The following PLSCR5 variants were observed in gnomAD, a reference collection of about 807,000 sequenced individuals.
PLSCR5 encodes the protein phospholipid scramblase family, member 5.
Under a neutral mutation model 33.6 loss-of-function variants are expected in PLSCR5, and 44 were observed. The observed-to-expected ratio is 1.31, with a 90% confidence interval of 1.03 to 1.69. The LOEUF (loss-of-function observed/expected upper bound fraction) is 1.69. Among genes scored for constraint, PLSCR5 ranks in the 40% most tolerant of loss-of-function variants. PLSCR5 has a pLI of 0.00. For synonymous variants in PLSCR5, 148 were observed against 112.3 expected (o/e 1.32, Z -2.01); for missense variants, 375 against 318.7 (o/e 1.18, Z -1.34).
chr3:146,591,004 T>TTTG (rs1553809622), intron 5 of PLSCR5, among the ~76,000 whole-genome samples: 16 of 149,458 alleles, frequency 1.1e-4, no homozygotes, highest in South Asian at 2.1e-4. Context: ...TTTGTTTTTT[T>TTTG]TTTTTGTTTT....
chr3:146,590,704 G>A (rs1353388304), intron 5 of PLSCR5, among the ~76,000 whole-genome samples: 1 of 152,082 alleles, frequency 6.6e-6, no homozygotes, highest in East Asian at 1.9e-4. Flanking sequence ...GGAAAGTCAT[G>A]CCAAATCCTT....
intron 4 of PLSCR5, among the ~76,000 whole-genome samples, 151 bp from the exon 5 acceptor site, chr3:146,592,032 G>C (rs1451430538): frequency 6.6e-6 from 1 of 152,044 alleles, no homozygotes; most frequent in Non-Finnish European, 1.5e-5. Context: ...TAAGGATACA[G>C]ATTTTATAAA....
chr3:146,585,952 A>G lies in PLSCR5; in HGVS notation c.*45-10T>C. On this transcript the variant is annotated splice_polypyrimidine_tract_variant and intron_variant, in intron 7 of 7. Coordinates refer to ENST00000443512, the MANE Select transcript of PLSCR5 (RefSeq NM_001085420.2). ...AGAGCCCAAGGGATTTCTAGAAGAA[A>G]ATGAAAAAGAGTTAGATAGCGTCAA... is the stretch of plus-strand genomic sequence containing the variant. The G allele has an allele frequency of 9.3e-7, 1 of 1,077,030 alleles. No homozygotes were observed. Among genetic ancestry groups the G allele is most frequent in the Non-Finnish European group, 1.3e-6 (1 of 794,634 alleles). The allele number at this position is 1,077,030 out of a possible 1,614,324, so 66.7% of individuals were successfully genotyped here.
chr3:146,588,313 A>G (rs1446910890), intron 6 of PLSCR5, among the ~76,000 whole-genome samples: 3 of 152,102 alleles, frequency 2.0e-5, no homozygotes, highest in African/African-American at 7.2e-5. Context: ...TACTAAAAAT[A>G]CAAAAAAATT....
At chr3:146,590,522 A>G (rs1269822901) in intron 5 of PLSCR5, among the ~76,000 whole-genome samples, 1 of 152,040 alleles carries the variant, frequency 6.6e-6, no homozygotes, top group East Asian at 1.9e-4. Flanking sequence ...TTTATCAGCT[A>G]TTTGTTTGTT....
At chr3:146,577,094 T>C (rs1405819023) in intron 7 of PLSCR5, among the ~76,000 whole-genome samples, 1 of 152,148 alleles carries the variant, frequency 6.6e-6, no homozygotes, top group Admixed American at 6.6e-5. Flanking sequence ...AAAATAGCTA[T>C]GTTATTTAAA....
intron 7 of PLSCR5, among the ~76,000 whole-genome samples, chr3:146,578,050 A>G (rs2044609804): frequency 6.6e-6 from 1 of 151,314 alleles, no homozygotes; most frequent in African/African-American, 2.4e-5. Context: ...ACTTAAGAAT[A>G]TAATATAGGT....
At chr3:146,600,166 GC>G in intron 2 of PLSCR5, 121 bp downstream of exon 2, 1 of 703,830 alleles carries the variant, frequency 1.4e-6, no homozygotes, top group East Asian at 3.5e-5. Flanking sequence ...GATTTATAAT[GC>G]TTTTTTCATT....
exon 8 of PLSCR5, chr3:146,576,563 A>C (rs922338024): frequency 1.3e-5 from 2 of 152,066 alleles, no homozygotes; most frequent in Admixed American, 1.3e-4. Flanking sequence ...AGTAAAACAA[A>C]GTAATTTAAT....
chr3:146,597,937 A>G (rs1036062481), intron 2 of PLSCR5, among the ~76,000 whole-genome samples: 11 of 152,276 alleles, frequency 7.2e-5, no homozygotes, highest in Admixed American at 4.6e-4. Flanking sequence ...ACTCTTATGT[A>G]TAGGTGACTA....
intron 2 of PLSCR5, among the ~76,000 whole-genome samples, chr3:146,597,802 G>C (rs1174083513): frequency 2.6e-5 from 4 of 152,046 alleles, no homozygotes. Flanking sequence ...ACAATGAGAG[G>C]ATTAGATGTA....
chr3:146,583,233 T>G (rs943324134), downstream of PLSCR5, among the ~76,000 whole-genome samples: 4 of 152,190 alleles, frequency 2.6e-5, no homozygotes, highest in South Asian at 2.1e-4. Flanking sequence ...ATTATTGGAT[T>G]AAAAGCTATC....
chr3:146,602,715 C>T (rs2044829429), intron 1 of PLSCR5, among the ~76,000 whole-genome samples: 1 of 152,038 alleles, frequency 6.6e-6, no homozygotes. Flanking sequence ...AAGGGATTCA[C>T]AAATTACCCC....
At chr3:146,594,218 T>A in intron 3 of PLSCR5, 78 bp from the exon 4 acceptor site, 1 of 1,004,586 alleles carries the variant, frequency 1.0e-6, no homozygotes, top group Non-Finnish European at 1.5e-6. Flanking sequence ...GAGATGTTAT[T>A]AAAAGAATAC....
chr3:146,604,126 T>A (rs2044843705), intron 1 of PLSCR5, among the ~76,000 whole-genome samples: 1 of 152,136 alleles, frequency 6.6e-6, no homozygotes, highest in African/African-American at 2.4e-5. Flanking sequence ...ATTATCCTAT[T>A]TGTAATTAAT....
chr3:146,597,523 C>T (rs1459014178), intron 2 of PLSCR5, among the ~76,000 whole-genome samples: 2 of 152,152 alleles, frequency 1.3e-5, no homozygotes, highest in African/African-American at 4.8e-5. Flanking sequence ...TATACCCTCC[C>T]CATCCTCTGT....
intron 6 of PLSCR5, among the ~76,000 whole-genome samples, chr3:146,588,000 A>G (rs1023479850): frequency 6.6e-6 from 1 of 152,104 alleles, no homozygotes; most frequent in Non-Finnish European, 1.5e-5. Context: ...TAAATAGGGC[A>G]TTAATGTAAA....
chr3:146,580,527 C>T (rs552463285), intron 7 of PLSCR5, among the ~76,000 whole-genome samples: 17 of 126,164 alleles, frequency 1.3e-4, no homozygotes, highest in African/African-American at 4.9e-4. Context: ...TGCAGTGGTA[C>T]GATTTCGGCT....
downstream of PLSCR5, among the ~76,000 whole-genome samples, chr3:146,582,321 A>G (rs1300585395): frequency 6.6e-6 from 1 of 152,212 alleles, no homozygotes; most frequent in Non-Finnish European, 1.5e-5. Context: ...ACATGTCTGC[A>G]ATGGAAAATT....
Sources: allele counts gnomAD v4.1 joint callset (sites outside exome capture counted in the v4.1 genomes callset), GRCh38; gene constraint gnomAD v4.1.1; transcripts MANE v1.5; gene names NCBI Gene and HGNC (gene_info 2026-07-23, HGNC 2026-07-21).